AFG2A: variants seen among roughly 807,000 people sequenced by gnomAD.
The protein encoded by AFG2A is ATPase family gene 2 protein homolog A.
the AFG2A span, among the ~76,000 whole-genome samples, chr4:123,281,039 C>T: frequency 6.6e-6 from 1 of 151,464 alleles, no homozygotes. Context: ...ATTTTAGTAT[C>T]TTGGTTAAAA....
the AFG2A span, among the ~76,000 whole-genome samples, chr4:123,115,105 C>A: frequency 9.2e-5 from 14 of 152,116 alleles, no homozygotes; most frequent in African/African-American, 3.1e-4. Context: ...CTCCTTGCAG[C>A]CTGGAGCAGG....
At chr4:123,057,406 A>G in the AFG2A span, 1 of 1,133,102 alleles carries the variant, frequency 8.8e-7, no homozygotes, top group Non-Finnish European at 1.2e-6. Flanking sequence ...ATTTGGCCTA[A>G]AAAAGTTTTC....
the AFG2A span, among the ~76,000 whole-genome samples, chr4:123,304,231 C>T: frequency 6.6e-6 from 1 of 152,152 alleles, no homozygotes. Flanking sequence ...GCTGTGCTCC[C>T]TTCAGTCACA....
At chr4:123,307,199 G>A in the AFG2A span, among the ~76,000 whole-genome samples, 55 of 152,284 alleles carry the variant, frequency 3.6e-4, no homozygotes, top group Middle Eastern at 3.4e-3. Context: ...TAGAGACAGA[G>A]TCTTGCAGTG....
chr4:122,931,107 AT>A, the AFG2A span, among the ~76,000 whole-genome samples: 24,863 of 152,008 alleles, frequency 0.16, 2,477 homozygotes, highest in East Asian at 0.45. Context: ...TGCAACTATT[AT>A]TTTTTTAAAA....
At chr4:123,077,647 A>G in the AFG2A span, among the ~76,000 whole-genome samples, 1 of 152,192 alleles carries the variant, frequency 6.6e-6, no homozygotes, top group Non-Finnish European at 1.5e-5. Context: ...GTTGCATTAC[A>G]GGACAGGAAT....
At chr4:123,303,224 C>T in the AFG2A span, among the ~76,000 whole-genome samples, 1 of 152,040 alleles carries the variant, frequency 6.6e-6, no homozygotes, top group African/African-American at 2.4e-5. Context: ...TTTTCTGCCC[C>T]CAAAGCTCTG....
the AFG2A span, among the ~76,000 whole-genome samples, chr4:123,123,941 A>G: frequency 7.8e-6 from 1 of 127,810 alleles, no homozygotes. Context: ...GACAGAGTGA[A>G]ACTCCGTCTC....
the AFG2A span, among the ~76,000 whole-genome samples, chr4:123,069,871 T>C: frequency 2.0e-5 from 3 of 152,320 alleles, no homozygotes; most frequent in Admixed American, 2.0e-4. Flanking sequence ...AATCTCCTAG[T>C]AATACAGCAA....
At chr4:123,217,242 G>A in the AFG2A span, among the ~76,000 whole-genome samples, 2 of 152,146 alleles carry the variant, frequency 1.3e-5, no homozygotes, top group Admixed American at 6.5e-5. Context: ...AACAGCTGGA[G>A]TAAATGCCTT....
At chr4:122,969,807 T>G in the AFG2A span, among the ~76,000 whole-genome samples, 1 of 152,214 alleles carries the variant, frequency 6.6e-6, no homozygotes, top group African/African-American at 2.4e-5. Flanking sequence ...TTAATTAGAT[T>G]TATTCTTAGG....
the AFG2A span, among the ~76,000 whole-genome samples, chr4:123,213,131 A>G: frequency 8.5e-5 from 13 of 152,252 alleles, no homozygotes; most frequent in African/African-American, 3.1e-4. Flanking sequence ...TTTATTTTCA[A>G]AAAGCTGAAT....
At chr4:123,236,127 C>A in the AFG2A span, among the ~76,000 whole-genome samples, 107 of 152,220 alleles carry the variant, frequency 7.0e-4, no homozygotes, top group African/African-American at 2.3e-3. Flanking sequence ...GATACACTCT[C>A]CTGAAAATAC....
chr4:123,080,936 T>A, the AFG2A span, among the ~76,000 whole-genome samples: 2 of 152,142 alleles, frequency 1.3e-5, no homozygotes, highest in South Asian at 4.1e-4. Flanking sequence ...TTATTTTTTC[T>A]AAATAGACTT....
chr4:123,184,114 T>A, the AFG2A span, among the ~76,000 whole-genome samples: 9 of 151,944 alleles, frequency 5.9e-5, no homozygotes, highest in South Asian at 2.1e-4. Context: ...ATTTTTTTTT[T>A]AAACTAAAGC....
the AFG2A span, among the ~76,000 whole-genome samples, chr4:122,941,659 T>C: frequency 6.6e-6 from 1 of 151,824 alleles, no homozygotes. Context: ...GGCCAGAACT[T>C]CCAACACTAT....
chr4:122,989,070 T>G, the AFG2A span, among the ~76,000 whole-genome samples: 1 of 152,242 alleles, frequency 6.6e-6, no homozygotes, highest in Non-Finnish European at 1.5e-5. Flanking sequence ...AAGATGATTA[T>G]TTTTTATACT....
chr4:123,190,139 T>G, the AFG2A span, among the ~76,000 whole-genome samples: 1 of 152,114 alleles, frequency 6.6e-6, no homozygotes, highest in Admixed American at 6.6e-5. Context: ...TAAGTAATGG[T>G]CCTGGGAACT....
chr4:123,089,412 G>T, the AFG2A span, among the ~76,000 whole-genome samples: 3 of 151,956 alleles, frequency 2.0e-5, no homozygotes, highest in South Asian at 2.1e-4. Context: ...TGTTTAATAC[G>T]CTTACAATGC....
Sources: allele counts gnomAD v4.1 joint callset (sites outside exome capture counted in the v4.1 genomes callset), GRCh38; gene constraint gnomAD v4.1.1; transcripts MANE v1.5; gene names NCBI Gene and HGNC (gene_info 2026-07-23, HGNC 2026-07-21).